The following RASSF6 variants were observed in gnomAD, a reference collection of about 807,000 sequenced individuals.
RASSF6 encodes ras association domain-containing protein 6.
A neutral mutation model predicts 44.0 loss-of-function variants in RASSF6; 52 were observed. The ratio of observed to expected loss-of-function variants is 1.18; its 90% confidence interval spans 0.95 to 1.49. The LOEUF (loss-of-function observed/expected upper bound fraction) is 1.49, where lower values mean the gene tolerates loss of function less well. Among genes scored for constraint, RASSF6 ranks in the 40% most tolerant of loss-of-function variants. The probability of loss-of-function intolerance (pLI) is 0.00; values close to 1 mark genes in which losing one functional copy is unlikely to be tolerated. For synonymous variants in RASSF6, 162 were observed against 124.6 expected (o/e 1.30, Z -2.00); for missense variants, 464 against 393.3 (o/e 1.18, Z -1.52).
chr4:73,581,896 A>C (rs770802142), intron 7 of RASSF6, 28 bp from the exon 8 acceptor site: 1 of 1,563,756 alleles, frequency 6.4e-7, no homozygotes, highest in Non-Finnish European at 8.8e-7. Context: ...GAACAAATAT[A>C]AATTCTTTGT....
rs1726035251 is a variant in RASSF6, at chr4:73,611,821, G to A, written c.-26C>T. On this transcript the variant is annotated 5_prime_UTR_variant, in exon 2 of 11. Coordinates refer to ENST00000307439, the MANE Select transcript of RASSF6 (RefSeq NM_177532.5). ...CTTTTCCTCCTTTTTGAGATGGTCT[G>A]AGGATATCCTAAACATGAGAATAAT... The A allele has an allele frequency of 6.3e-7, 1 of 1,596,082 alleles. No homozygotes were observed. The highest frequency in any genetic ancestry group is 8.6e-7 in the Non-Finnish European group (1 of 1,164,510).
At position 73,578,088 on chromosome 4, in the gene RASSF6, A is replaced by G. The variant is rs930063334; in HGVS notation, c.722-1357T>C. Among the ~76,000 whole-genome samples, 8 of 152,320 alleles carry G rather than the reference A, an allele frequency of 5.3e-5. 1 individual carries two copies. The highest frequency in any genetic ancestry group is 3.9e-4 in the East Asian group (2 of 5,186). The stretch of plus-strand genomic sequence containing the variant: ...ATGCAAAATTTTGACACAAAATATA[A>G]AAGAAAATGGGATTTTTATAGGTGA... On this transcript the variant is annotated intron_variant, in intron 8 of 10. Coordinates refer to ENST00000307439, the MANE Select transcript of RASSF6 (RefSeq NM_177532.5).
intron 8 of RASSF6, among the ~76,000 whole-genome samples, chr4:73,580,779 T>G (rs558873657): frequency 3.5e-4 from 31 of 88,170 alleles, no homozygotes; most frequent in Non-Finnish European, 6.6e-4. Context: ...ATTAGCTCTT[T>G]GTCAGATGAG....
chr4:73,585,366 TG>T lies in RASSF6; in HGVS notation c.383-3del, dbSNP rs757519158. 6.4e-7 allele frequency: 1 copy of T among 1,572,068 alleles called. No individual in the cohort carries two copies. ...TGTTGCTGTGATAAGATAAATAGTCTGGGAAGAATAGATTATAAGCTCATAT... is the reference window on the plus strand; with the variant it reads ...TGTTGCTGTGATAAGATAAATAGTCTGGAAGAATAGATTATAAGCTCATAT... On this transcript the variant is annotated splice_polypyrimidine_tract_variant and splice_region_variant and intron_variant, in intron 5 of 10. Coordinates refer to ENST00000307439, the MANE Select transcript of RASSF6 (RefSeq NM_177532.5).
chr4:73,576,950 G>A (rs1247663), intron 8 of RASSF6, among the ~76,000 whole-genome samples: 150,949 of 152,328 alleles, frequency 0.99, 74,807 homozygotes, highest in Middle Eastern at 1. Context: ...AAAGAACTCA[G>A]CCTTCCTTTG....
At chr4:73,607,242 C>T (rs1322199838) in intron 2 of RASSF6, among the ~76,000 whole-genome samples, 6 of 152,170 alleles carry the variant, frequency 3.9e-5, no homozygotes, top group Non-Finnish European at 8.8e-5. Flanking sequence ...GATAAAACCC[C>T]CACACCGTTA....
intron 2 of RASSF6, among the ~76,000 whole-genome samples, chr4:73,603,406 C>T (rs1293761899): frequency 1.3e-5 from 2 of 151,954 alleles, no homozygotes; most frequent in East Asian, 1.9e-4. Flanking sequence ...TGGTATAAGC[C>T]GATGAATACC....
chr4:73,611,853 G>A (rs764423664), intron 1 of RASSF6, 24 bp from the exon 2 acceptor site: 1 of 1,452,814 alleles, frequency 6.9e-7, no homozygotes. Flanking sequence ...TAATATTAAT[G>A]ATTTGTTCCT....
chr4:73,585,436 T>C (rs2149371162), intron 5 of RASSF6, 72 bp from the exon 6 acceptor site: 3 of 1,017,536 alleles, frequency 2.9e-6, no homozygotes, highest in Non-Finnish European at 4.1e-6. Flanking sequence ...GATTTGTGTA[T>C]GCTTTCATTA....
At chr4:73,593,109 G>A (rs1475705434) in intron 4 of RASSF6, among the ~76,000 whole-genome samples, 2 of 151,424 alleles carry the variant, frequency 1.3e-5, no homozygotes, top group Non-Finnish European at 2.9e-5. Flanking sequence ...TCCGCCTCCC[G>A]GATTAAAGCG....
intron 8 of RASSF6, among the ~76,000 whole-genome samples, chr4:73,577,983 T>C (rs1195408742): frequency 9.2e-6 from 1 of 109,076 alleles, no homozygotes; most frequent in Non-Finnish European, 2.0e-5. Context: ...CCCACCTATC[T>C]CTGTTTTCCA....
At chr4:73,607,704 G>A (rs1725731798) in intron 2 of RASSF6, among the ~76,000 whole-genome samples, 1 of 127,438 alleles carries the variant, frequency 7.8e-6, no homozygotes, top group South Asian at 3.0e-4. Flanking sequence ...GAAACTCTGG[G>A]GATGGAGCCT....
At chr4:73,593,632 T>A (rs777581808) in intron 3 of RASSF6, 39 bp from the exon 4 acceptor site, 27 of 1,588,894 alleles carry the variant, frequency 1.7e-5, no homozygotes, top group Non-Finnish European at 2.3e-5. Context: ...TGTTTTTGTA[T>A]TATTTATAGA....
At chr4:73,578,916 C>CCT (rs1723426539) in intron 8 of RASSF6, among the ~76,000 whole-genome samples, 1 of 151,970 alleles carries the variant, frequency 6.6e-6, no homozygotes, top group South Asian at 2.1e-4. Flanking sequence ...CTGACACCCC[C>CCT]CTTCTCATCC....
intron 3 of RASSF6, 74 bp from the exon 4 acceptor site, chr4:73,593,667 A>G (rs1302605580): frequency 6.9e-7 from 1 of 1,459,182 alleles, no homozygotes; most frequent in African/African-American, 1.4e-5. Flanking sequence ...ACGAAGATGT[A>G]GAAATTAAGT....
intron 8 of RASSF6, among the ~76,000 whole-genome samples, chr4:73,581,405 C>T (rs1352160275): frequency 6.6e-6 from 1 of 152,078 alleles, no homozygotes; most frequent in Admixed American, 6.6e-5. Flanking sequence ...ATGTGTCAGA[C>T]CCTGTGCTAA....
intron 4 of RASSF6, among the ~76,000 whole-genome samples, chr4:73,591,036 A>G: frequency 6.6e-6 from 1 of 152,228 alleles, no homozygotes; most frequent in East Asian, 1.9e-4. Context: ...AAAATTCAGA[A>G]TTGCTAGGAA....
chr4:73,581,971 C>A, intron 7 of RASSF6, 103 bp from the exon 8 acceptor site: 1 of 862,304 alleles, frequency 1.2e-6, no homozygotes. Context: ...TTCCATTTTT[C>A]ACTTTTAGAC....
intron 2 of RASSF6, among the ~76,000 whole-genome samples, chr4:73,603,120 A>G (rs903576339): frequency 6.6e-5 from 10 of 152,094 alleles, no homozygotes; most frequent in African/African-American, 1.9e-4. Flanking sequence ...AGAAAAAGAA[A>G]TAGACACAAA....
Sources: gnomAD v4.1 joint callset for allele counts (sites outside exome capture counted in the v4.1 genomes callset) on GRCh38, gnomAD v4.1.1 for gene constraint, MANE v1.5 for transcripts, NCBI Gene and HGNC (gene_info 2026-07-23, HGNC 2026-07-21) for gene names.